Variants in SNRPG observed in about 807,000 individuals in gnomAD.
SNRPG encodes small nuclear ribonucleoprotein G.
SNRPG carries 3 observed loss-of-function variants against 13.9 expected under a neutral mutation model. The ratio of observed to expected loss-of-function variants is 0.22; its 90% CI spans 0.10 to 0.56. SNRPG has a LOEUF of 0.56. Among genes scored for constraint, SNRPG ranks in the 20% least tolerant of loss-of-function variants. SNRPG has a pLI of 0.93. For missense variants in SNRPG, 34 were observed against 96.1 expected (o/e 0.35, Z 2.70); for synonymous variants, 29 against 29.3 (o/e 0.99, Z 0.03).
intron 3 of SNRPG, among the ~76,000 whole-genome samples, chr2:70,286,622 T>C (rs553116846): frequency 1.7e-4 from 26 of 152,266 alleles, no homozygotes; most frequent in African/African-American, 5.5e-4. Flanking sequence ...ATTACTTAAA[T>C]GACTTGGGAT....
intron 1 of SNRPG, among the ~76,000 whole-genome samples, chr2:70,292,130 T>C (rs1434890221): frequency 1.3e-5 from 2 of 151,974 alleles, no homozygotes; most frequent in Non-Finnish European, 2.9e-5. Context: ...TGTATTTTTA[T>C]AGACACGGGG....
chr2:70,293,298 G>C (rs1697151296), intron 1 of SNRPG: 1 of 678,804 alleles, frequency 1.5e-6, no homozygotes, highest in Non-Finnish European at 2.7e-6. Context: ...TACTATTCGA[G>C]ATGTTCAACA....
chr2:70,291,830 TAA>T (rs61249330), intron 1 of SNRPG, among the ~76,000 whole-genome samples: 2 of 144,502 alleles, frequency 1.4e-5, no homozygotes, highest in African/African-American at 2.5e-5. Context: ...GTCTTTTTGT[TAA>T]AAAAAAAAAA....
chr2:70,291,232 C>CA (rs1248062588), intron 1 of SNRPG: 1 of 152,146 alleles, frequency 6.6e-6, no homozygotes, highest in East Asian at 1.9e-4. Context: ...AGTCACACAG[C>CA]AAGTGAGAGC....
At chr2:70,289,939 T>C (rs1697039972) in intron 1 of SNRPG, among the ~76,000 whole-genome samples, 1 of 151,850 alleles carries the variant, frequency 6.6e-6, no homozygotes, top group Non-Finnish European at 1.5e-5. Flanking sequence ...TTAAGTAGAG[T>C]ATACTAATGT....
At chr2:70,288,046 G>A (rs1198904775) in intron 3 of SNRPG, 22 bp downstream of exon 3, 2 of 1,609,006 alleles carry the variant, frequency 1.2e-6, no homozygotes, top group Admixed American at 3.3e-5. Context: ...ATCTCCAAGA[G>A]AACTCTTGTA....
intron 1 of SNRPG, among the ~76,000 whole-genome samples, chr2:70,290,446 G>C (rs977928160): frequency 6.6e-6 from 1 of 151,432 alleles, no homozygotes; most frequent in Non-Finnish European, 1.5e-5. Context: ...TGGAATACGA[G>C]ATTAAGCCAT....
Position 70,284,285 on chromosome 2 carries a change from G to C in SNRPG, c.181-2601C>G, listed in dbSNP as rs1294450340. ...AGGCTCAAGTGGTTCTCCTGCCTCTGCCTCCTGAGTAGCTGGGACTATAGG... is the reference window on the plus strand; with the variant it reads ...AGGCTCAAGTGGTTCTCCTGCCTCTCCCTCCTGAGTAGCTGGGACTATAGG... On this transcript the variant is annotated intron_variant, in intron 3 of 3. Coordinates refer to ENST00000272348, the MANE Select transcript of SNRPG (RefSeq NM_003096.4). Among the ~76,000 whole-genome samples, 3 of 152,172 alleles carry C rather than the reference G, an allele frequency of 2.0e-5. No individual in the cohort carries two copies. In the East Asian group the frequency reaches 5.8e-4, roughly 29 times the overall value.
chr2:70,287,906 A>C (rs982865475), intron 3 of SNRPG, 162 bp downstream of exon 3: 4 of 636,214 alleles, frequency 6.3e-6, no homozygotes, highest in African/African-American at 2.0e-5. Context: ...GGTAACCAGG[A>C]TATTACTACA....
In SNRPG at chr2:70,281,427, T is replaced by C. The variant is rs2272530; in HGVS notation, c.*207A>G. 253 of 403,952 alleles carry C rather than the reference T, an allele frequency of 6.3e-4. 2 individuals carry two copies. In the East Asian group the frequency reaches 0.01, roughly 17 times the overall value. 25.0% of individuals were successfully genotyped at this position (403,952 alleles called of 1,614,324 possible). A position where few individuals can be genotyped will look rare whatever the true frequency, so the allele number is the denominator to read the frequency against. ...AATGCATAAAACCCTTTGAAATCAATGTCAACCAGGAAAATTCATGTTAGA... is the reference window on the plus strand; with the variant it reads ...AATGCATAAAACCCTTTGAAATCAACGTCAACCAGGAAAATTCATGTTAGA... On this transcript the variant is annotated 3_prime_UTR_variant, in exon 4 of 4. Coordinates refer to ENST00000272348, the MANE Select transcript of SNRPG (RefSeq NM_003096.4).
chr2:70,287,156 T>C (rs1006502594), intron 3 of SNRPG: 1 of 593,566 alleles, frequency 1.7e-6, no homozygotes, highest in African/African-American at 1.9e-5. Context: ...GAATGGTATG[T>C]AAAAAAATTA....
chr2:70,289,176 A>T (rs1697016134), intron 2 of SNRPG, among the ~76,000 whole-genome samples, 174 bp downstream of exon 2: 1 of 151,924 alleles, frequency 6.6e-6, no homozygotes, highest in Non-Finnish European at 1.5e-5. Context: ...GATGGTCTTG[A>T]TCTCCTGATC....
intron 3 of SNRPG, among the ~76,000 whole-genome samples, chr2:70,282,421 T>C (rs989928055): frequency 2.0e-5 from 3 of 152,136 alleles, no homozygotes; most frequent in Admixed American, 6.5e-5. Context: ...TCTTGGAAAT[T>C]GGGCAGAATT....
At chr2:70,292,297 G>T (rs1403502195) in intron 1 of SNRPG, among the ~76,000 whole-genome samples, 2 of 152,024 alleles carry the variant, frequency 1.3e-5, no homozygotes, top group East Asian at 3.9e-4. Flanking sequence ...ATACATAGAA[G>T]TAGTTTTCAT....
chr2:70,283,247 CAGTA>C (rs976652111), intron 3 of SNRPG, among the ~76,000 whole-genome samples: 29 of 150,924 alleles, frequency 1.9e-4, no homozygotes, highest in Admixed American at 2.6e-4. Flanking sequence ...GGACTAAAAA[CAGTA>C]AGTCCCTAAT....
intron 3 of SNRPG, chr2:70,287,735 G>T (rs1233531108): frequency 2.5e-6 from 1 of 395,428 alleles, no homozygotes; most frequent in African/African-American, 2.0e-5. Flanking sequence ...ATTTTAAGAA[G>T]ATTCCCTGGG....
rs1023406855 is a variant in SNRPG, at chr2:70,288,056, A to G, written c.180+12T>C. ...ATGAAATCTCCAAGAGAACTCTTGT[A>G]TCTTTACTTACCACCATTCCAATAT... On this transcript the variant is annotated intron_variant, in intron 3 of 3. Transcript: ENST00000272348. 2.5e-6 allele frequency: 4 copies of G among 1,610,638 alleles called. No individual in the cohort carries two copies. The highest frequency in any genetic ancestry group is 1.7e-5 in the Admixed American group (1 of 59,988).
chr2:70,281,525 T>G lies in SNRPG; in HGVS notation c.*109A>C, dbSNP rs1445044997. 1 of 575,336 alleles carries G rather than the reference T, an allele frequency of 1.7e-6. No individual in the cohort carries two copies. The highest frequency in any genetic ancestry group is 3.1e-6 in the Non-Finnish European group (1 of 327,672). The allele number at this position is 575,336 out of a possible 1,614,324, so 35.6% of individuals were successfully genotyped here. ...AGCATTTTTGACTATTACAAAAGTT[T>G]ATTTAACAAAAAGTCTAATATGAAA... On this transcript the variant is annotated 3_prime_UTR_variant, in exon 4 of 4. Transcript: ENST00000272348.
At chr2:70,282,924 A>AT (rs1176935183) in intron 3 of SNRPG, among the ~76,000 whole-genome samples, 1 of 151,884 alleles carries the variant, frequency 6.6e-6, no homozygotes, top group Non-Finnish European at 1.5e-5. Flanking sequence ...AGAAACCCCC[A>AT]TCTCTACTAA....
Sources: gnomAD v4.1 joint callset for allele counts (sites outside exome capture counted in the v4.1 genomes callset) on GRCh38, gnomAD v4.1.1 for gene constraint, MANE v1.5 for transcripts, NCBI Gene and HGNC (gene_info 2026-07-23, HGNC 2026-07-21) for gene names.